The following STXBP5 variants were observed in gnomAD, a reference collection of about 807,000 sequenced individuals.
STXBP5 encodes syntaxin binding protein 5.
Under a neutral mutation model 152.4 loss-of-function variants are expected in STXBP5, and 50 were observed. The observed-to-expected ratio is 0.33, with a 90% CI of 0.26 to 0.42. The LOEUF (loss-of-function observed/expected upper bound fraction) is 0.42, where lower values mean the gene tolerates loss of function less well. Among genes scored for constraint, STXBP5 ranks in the 10% least tolerant of loss-of-function variants. The probability of loss-of-function intolerance (pLI) is 1.00; values close to 1 mark genes in which losing one functional copy is unlikely to be tolerated. For missense variants in STXBP5, 1,167 were observed against 1,388.6 expected, an observed-to-expected ratio of 0.84 and a Z score of 2.54; for synonymous variants, 492 against 494.7, an observed-to-expected ratio of 0.99 and a Z score of 0.07.
At position 147,210,245 on chromosome 6, in the gene STXBP5, C is replaced by T. The variant is rs547611339; in HGVS notation, c.248+4177C>T. Among the ~76,000 whole-genome samples, 8 of 152,100 alleles carry T rather than the reference C, an allele frequency of 5.3e-5. No homozygotes were observed. In the South Asian group the frequency reaches 1.5e-3, roughly 28 times the overall value. On this transcript the variant is annotated intron_variant, in intron 2 of 27. Transcript: ENST00000321680. Reference sequence around the variant, plus strand: ...AGTAAAGTAATGAGGCAATTACAAGCGAAGTGAAAAACTTGGCAAAGAAGT... The same window carrying T: ...AGTAAAGTAATGAGGCAATTACAAGTGAAGTGAAAAACTTGGCAAAGAAGT...
chr6:147,359,094 T>C lies in STXBP5; in HGVS notation c.2316T>C (p.Asp772=), dbSNP rs750030027. 7.4e-6 allele frequency: 12 copies of C among 1,613,768 alleles called. No individual in the cohort carries two copies. Among genetic ancestry groups the C allele is most frequent in the Admixed American group, 5.0e-5 (3 of 59,966 alleles). ...TTTTAACCATTTCAGATGTAAAGGATAACTCCTTTAGCCGATCACGGAGTT... is the reference window on the plus strand; with the variant it reads ...TTTTAACCATTTCAGATGTAAAGGACAACTCCTTTAGCCGATCACGGAGTT... The part of the protein sequence containing the change: ...TDLKPDLDVK[D]NSFSRSRSSS... Residue 772 remains aspartate (D), a synonymous_variant, in exon 23 of 28, where the codon GAT becomes GAC. Transcript: ENST00000321680.
intron 9 of STXBP5, among the ~76,000 whole-genome samples, chr6:147,297,210 G>A (rs1311591789): frequency 6.6e-6 from 1 of 152,096 alleles, no homozygotes; most frequent in East Asian, 1.9e-4. Flanking sequence ...AGCAGAAAAA[G>A]TGCCTTGTCA....
At chr6:147,243,334 G>C (rs1022131010) in intron 4 of STXBP5, among the ~76,000 whole-genome samples, 1 of 152,140 alleles carries the variant, frequency 6.6e-6, no homozygotes, top group African/African-American at 2.4e-5. Context: ...GTTCCCTAGT[G>C]ACACATGATA....
chr6:147,311,563 A>G (rs753421197), intron 11 of STXBP5, 36 bp downstream of exon 11: 20 of 1,517,758 alleles, frequency 1.3e-5, no homozygotes, highest in Non-Finnish European at 1.8e-5. Context: ...TTCTATCAGT[A>G]TGTGGTTGAA....
At chr6:147,359,349 T>A (rs1396004967) in intron 23 of STXBP5, 26 bp downstream of exon 23, 2 of 1,600,888 alleles carry the variant, frequency 1.2e-6, no homozygotes, top group South Asian at 2.2e-5. Context: ...GCACTTAGAG[T>A]TACATTACAG....
chr6:147,225,430 C>T lies in STXBP5; in HGVS notation c.249-9820C>T, dbSNP rs114299384. The stretch of plus-strand genomic sequence containing the variant: ...TTTATGTGTACTCTAGTCTTCCATT[C>T]CTAGGTTGGAAATTGAATATGTCCC... On this transcript the variant is annotated intron_variant, in intron 2 of 27. Transcript: ENST00000321680. Among the ~76,000 whole-genome samples, 496 of 152,184 alleles carry T rather than the reference C, an allele frequency of 3.3e-3. 5 individuals carry two copies. Among genetic ancestry groups the T allele is most frequent in the African/African-American group, 0.011 (445 of 41,548 alleles).
chr6:147,262,401 A>T (rs1779686191), intron 6 of STXBP5, 48 bp downstream of exon 6: 11 of 1,158,640 alleles, frequency 9.5e-6, no homozygotes, highest in Non-Finnish European at 1.1e-5. Context: ...AAATTTTAGT[A>T]TTTTTCAATA....
In STXBP5 at chr6:147,320,438, T is replaced by C. The variant is rs1344556438; in HGVS notation, c.1802+4031T>C. On this transcript the variant is annotated intron_variant, in intron 16 of 27. Transcript: ENST00000321680. ...ATTATTTCCATATTTACCGGCTACA[T>C]AGGGACTCTACCATTCCTGGGATAG... Among the ~76,000 whole-genome samples, 8 of 152,110 alleles carry C rather than the reference T, an allele frequency of 5.3e-5. No individual in the cohort carries two copies. The East Asian group carries it at 1.4e-3, about 26-fold the overall frequency.
At chr6:147,329,718 C>T (rs1258501607) in intron 18 of STXBP5, among the ~76,000 whole-genome samples, 7 of 150,092 alleles carry the variant, frequency 4.7e-5, no homozygotes, top group African/African-American at 9.8e-5. Flanking sequence ...CTCCGCCTCC[C>T]GGGTTCACGC....
chr6:147,378,292 A>G (rs1398000800), intron 26 of STXBP5, among the ~76,000 whole-genome samples: 1 of 152,020 alleles, frequency 6.6e-6, no homozygotes, highest in Admixed American at 6.6e-5. Flanking sequence ...CAAGACAAAT[A>G]TCATTTATAG....
At chr6:147,359,426 A>G (rs1274261345) in intron 23 of STXBP5, 103 bp downstream of exon 23, 2 of 1,411,768 alleles carry the variant, frequency 1.4e-6, no homozygotes, top group African/African-American at 2.9e-5. Flanking sequence ...TCCAAAATGT[A>G]AAGTAAATGG....
chr6:147,373,928 T>C, intron 26 of STXBP5, 86 bp downstream of exon 26: 1 of 749,242 alleles, frequency 1.3e-6, no homozygotes, highest in Non-Finnish European at 2.2e-6. Flanking sequence ...TAAATTATGT[T>C]CACTTTTTTT....
chr6:147,335,750 G>A (rs1482586335), intron 19 of STXBP5, among the ~76,000 whole-genome samples: 3 of 151,892 alleles, frequency 2.0e-5, no homozygotes, highest in Non-Finnish European at 2.9e-5. Context: ...GCAGTGAGCC[G>A]AGATCGCGCC....
intron 4 of STXBP5, among the ~76,000 whole-genome samples, chr6:147,258,551 A>G (rs1424485265): frequency 1.3e-5 from 2 of 152,072 alleles, no homozygotes; most frequent in Non-Finnish European, 2.9e-5. Context: ...CTCGTGCCTC[A>G]GCCTCCTGAG....
At chr6:147,313,705 A>G (rs539466434) in intron 11 of STXBP5, among the ~76,000 whole-genome samples, 179 bp from the exon 12 acceptor site, 56 of 152,326 alleles carry the variant, frequency 3.7e-4, no homozygotes, top group African/African-American at 1.0e-3. Context: ...CTTTCTGTTT[A>G]CTATTCTAAT....
intron 4 of STXBP5, among the ~76,000 whole-genome samples, chr6:147,249,929 G>A (rs1779002814): frequency 6.6e-6 from 1 of 152,166 alleles, no homozygotes; most frequent in Admixed American, 6.5e-5. Context: ...TTCAGCAGGA[G>A]CCAAAATGGA....
At chr6:147,360,260 C>T (rs940753101) in intron 23 of STXBP5, among the ~76,000 whole-genome samples, 7 of 152,064 alleles carry the variant, frequency 4.6e-5, no homozygotes, top group African/African-American at 1.7e-4. Flanking sequence ...GGATCTAGAA[C>T]TAGAAATACC....
intron 4 of STXBP5, among the ~76,000 whole-genome samples, chr6:147,260,403 C>T (rs1227293854): frequency 6.6e-6 from 1 of 152,086 alleles, no homozygotes; most frequent in East Asian, 1.9e-4. Flanking sequence ...CATCTTCTAT[C>T]GTGCCATGCT....
intron 3 of STXBP5, among the ~76,000 whole-genome samples, chr6:147,235,651 T>A (rs1420978077): frequency 6.6e-6 from 1 of 152,148 alleles, no homozygotes; most frequent in East Asian, 1.9e-4. Context: ...TTTAAAAGAT[T>A]GAGCTTATTA....
Sources: allele counts gnomAD v4.1 joint callset (sites outside exome capture counted in the v4.1 genomes callset), GRCh38; gene constraint gnomAD v4.1.1; transcripts MANE v1.5; gene names NCBI Gene and HGNC (gene_info 2026-07-23, HGNC 2026-07-21).